The following PTPN3 variants were observed in gnomAD, a reference collection of about 807,000 sequenced individuals.
PTPN3 encodes the protein tyrosine-protein phosphatase non-receptor type 3.
A neutral mutation model predicts 132.7 loss-of-function variants in PTPN3; 96 were observed. The observed-to-expected ratio is 0.72, with a 90% confidence interval of 0.61 to 0.86. The LOEUF is 0.86. Ranked by LOEUF, PTPN3 falls within the 40% of genes least tolerant of loss-of-function variation. PTPN3 has a pLI of 0.00. For synonymous variants in PTPN3, 398 were observed against 429.0 expected (o/e 0.93, Z 0.89); for missense variants, 1,125 against 1,159.6 (o/e 0.97, Z 0.43).
intron 1 of PTPN3, among the ~76,000 whole-genome samples, chr9:109,478,010 T>C (rs1347910642): frequency 6.6e-6 from 1 of 152,156 alleles, no homozygotes. Context: ...AACCTGGGTG[T>C]AGCAGGGGCC....
At chr9:109,394,832 T>C (rs949179284) in intron 19 of PTPN3, among the ~76,000 whole-genome samples, 4 of 152,132 alleles carry the variant, frequency 2.6e-5, no homozygotes, top group Non-Finnish European at 5.9e-5. Context: ...TTGTTGTTTG[T>C]AAATTATAAC....
Position 109,432,467 on chromosome 9 carries a change from C to T in PTPN3, c.764+606G>A, listed in dbSNP as rs143199848. Among the ~76,000 whole-genome samples the T allele has an allele frequency of 4.1e-4, 62 of 152,270 alleles. 1 individual carries two copies. In the East Asian group the frequency reaches 0.011, roughly 26 times the overall value. On this transcript the variant is annotated intron_variant, in intron 10 of 25. Coordinates refer to ENST00000374541, the MANE Select transcript of PTPN3 (RefSeq NM_002829.4). ...CCCATTCCTTGCACCATCACGTTAC[C>T]ATTATGTAGATGGTATTATTTTGGT... is the stretch of plus-strand genomic sequence containing the variant.
rs533332642 is a variant in PTPN3, at chr9:109,381,862, G to A, written c.2529-75C>T. On this transcript the variant is annotated intron_variant, in intron 24 of 25. Coordinates refer to ENST00000374541, the MANE Select transcript of PTPN3 (RefSeq NM_002829.4). The stretch of plus-strand genomic sequence containing the variant: ...TGCATGGCCCAGCGAGCAGTTCCCC[G>A]CTGACTCCAAAGGGGCTTTCCTCCC... 46 of 1,555,742 alleles carry A rather than the reference G, an allele frequency of 3.0e-5. No individual in the cohort carries two copies. The East Asian group carries it at 5.0e-4, about 17-fold the overall frequency.
intron 16 of PTPN3, among the ~76,000 whole-genome samples, chr9:109,409,576 C>G (rs189258109): frequency 6.6e-6 from 1 of 151,930 alleles, no homozygotes; most frequent in Non-Finnish European, 1.5e-5. Flanking sequence ...CCTGTAATCC[C>G]GGCACTTTGG....
chr9:109,404,355 C>T, intron 19 of PTPN3, 93 bp downstream of exon 19: 2 of 953,728 alleles, frequency 2.1e-6, no homozygotes, highest in Non-Finnish European at 2.9e-6. Flanking sequence ...GAAACAAGGG[C>T]TTGTGTCTCT....
At chr9:109,474,476 C>CT (rs1295699556) in intron 1 of PTPN3, among the ~76,000 whole-genome samples, 5 of 152,260 alleles carry the variant, frequency 3.3e-5, no homozygotes, top group Admixed American at 2.0e-4. Context: ...GCTGGAGGAA[C>CT]ACAAGGAGGG....
chr9:109,538,390 C>T, the PTPN3 span, among the ~76,000 whole-genome samples: 2 of 152,206 alleles, frequency 1.3e-5, no homozygotes, highest in Non-Finnish European at 2.9e-5. Context: ...TCTCAGAAAT[C>T]TTGCCTCAAT....
chr9:109,534,384 G>T, the PTPN3 span: 2 of 1,464,542 alleles, frequency 1.4e-6, no homozygotes, highest in Non-Finnish European at 1.8e-6. Flanking sequence ...GCTCCTCCCG[G>T]GGTGTGATGG....
At chr9:109,501,777 G>A (rs1025027793), upstream of PTPN3, among the ~76,000 whole-genome samples, 20 of 152,314 alleles carry the variant, frequency 1.3e-4, no homozygotes, top group Non-Finnish European at 2.4e-4. Flanking sequence ...ATAGATTATC[G>A]TCTCTGGGCA....
chr9:109,493,842 C>T (rs1007033823), intron 1 of PTPN3, among the ~76,000 whole-genome samples: 2 of 152,334 alleles, frequency 1.3e-5, no homozygotes, highest in Non-Finnish European at 1.5e-5. Flanking sequence ...GAGGGACATA[C>T]ACTGGGCAGA....
At chr9:109,418,876 C>T (rs960938902) in intron 14 of PTPN3, among the ~76,000 whole-genome samples, 4 of 152,328 alleles carry the variant, frequency 2.6e-5, no homozygotes, top group East Asian at 1.9e-4. Flanking sequence ...GAAGCTCTGA[C>T]GCAGCAGGTG....
rs563724001 is a variant in PTPN3, at chr9:109,432,698, G to A, written c.764+375C>T. 7.9e-5 allele frequency among the ~76,000 whole-genome samples: 12 copies of A among 152,246 alleles called. No individual in the cohort carries two copies. In the South Asian group the frequency reaches 2.3e-3, roughly 29 times the overall value. On this transcript the variant is annotated intron_variant, in intron 10 of 25. Coordinates refer to ENST00000374541, the MANE Select transcript of PTPN3 (RefSeq NM_002829.4). ...AGAACAGAGCTGGACACTTGGTAAAGGTTCAGTTAATAACCGAGGAACAGA... is the reference window on the plus strand; with the variant it reads ...AGAACAGAGCTGGACACTTGGTAAAAGTTCAGTTAATAACCGAGGAACAGA...
Position 109,410,394 on chromosome 9 carries a change from C to A in PTPN3, c.1335G>T (p.Pro445=). The A allele has an allele frequency of 1.2e-6, 2 of 1,613,932 alleles. No individual in the cohort carries two copies. Among genetic ancestry groups the A allele is most frequent in the Non-Finnish European group, 1.7e-6 (2 of 1,179,954 alleles). ...PHQESLSENN[P]AQSYLTQKSS... is the part of the protein sequence containing the mutation. Reference sequence around the variant, plus strand: ...ACTTCTGGGTCAGGTAGCTTTGTGCCGGATTGTTCTCGGATAAACTCCTTC... The same window carrying A: ...ACTTCTGGGTCAGGTAGCTTTGTGCAGGATTGTTCTCGGATAAACTCCTTC... The change falls in exon 15 of 26, where the codon CCG becomes CCT. Residue 445 remains proline, a synonymous_variant. Coordinates refer to ENST00000374541, the MANE Select transcript of PTPN3 (RefSeq NM_002829.4).
At chr9:109,415,272 T>C (rs1206619005) in intron 14 of PTPN3, among the ~76,000 whole-genome samples, 20 of 152,180 alleles carry the variant, frequency 1.3e-4, no homozygotes, top group Admixed American at 1.0e-3. Flanking sequence ...AATATTATCA[T>C]GTTACAGTGG....
At chr9:109,529,719 G>A in the PTPN3 span, among the ~76,000 whole-genome samples, 5 of 152,114 alleles carry the variant, frequency 3.3e-5, no homozygotes, top group Non-Finnish European at 7.3e-5. Flanking sequence ...AGTGTCAAGC[G>A]CATTCACATT....
intron 1 of PTPN3, among the ~76,000 whole-genome samples, chr9:109,497,041 A>G (rs1019520695): frequency 1.2e-4 from 19 of 152,232 alleles, no homozygotes; most frequent in African/African-American, 4.3e-4. Flanking sequence ...AGTGAAGCCA[A>G]CTGCCAACTT....
chr9:109,421,636 G>C (rs898594689), intron 13 of PTPN3, among the ~76,000 whole-genome samples: 1 of 152,238 alleles, frequency 6.6e-6, no homozygotes, highest in African/African-American at 2.4e-5. Context: ...AAATTAAGCT[G>C]CTGTGTTATA....
At chr9:109,437,041 C>T in intron 8 of PTPN3, 71 bp from the exon 9 acceptor site, 2 of 1,595,904 alleles carry the variant, frequency 1.3e-6, no homozygotes, top group South Asian at 2.3e-5. Context: ...TTTAAAAAAT[C>T]TAGAACATTT....
chr9:109,536,912 G>A, the PTPN3 span, among the ~76,000 whole-genome samples: 1 of 152,098 alleles, frequency 6.6e-6, no homozygotes, highest in African/African-American at 2.4e-5. Flanking sequence ...TTAAGTTGTG[G>A]AAATATTCCC....
Sources: allele counts gnomAD v4.1 joint callset (sites outside exome capture counted in the v4.1 genomes callset), GRCh38; gene constraint gnomAD v4.1.1; transcripts MANE v1.5; gene names NCBI Gene and HGNC (gene_info 2026-07-23, HGNC 2026-07-21).